Variants in BNC2 observed in about 807,000 individuals in gnomAD.
The protein encoded by BNC2 is basonuclin zinc finger protein 2.
In BNC2, 20 loss-of-function variants were observed where a neutral mutation model predicts 76.3. The observed-to-expected ratio is 0.26, with a 90% CI of 0.18 to 0.38. The LOEUF (loss-of-function observed/expected upper bound fraction) is 0.38, where lower values mean the gene tolerates loss of function less well. Among genes scored for constraint, BNC2 ranks in the 10% least tolerant of loss-of-function variants. The pLI is 1.00. For missense variants in BNC2, 1,382 were observed against 1,399.8 expected, an observed-to-expected ratio of 0.99 and a Z score of 0.20; for synonymous variants, 582 against 514.8, an observed-to-expected ratio of 1.13 and a Z score of -1.77.
chr9:16,731,931 A>G (rs1824515379), intron 2 of BNC2, among the ~76,000 whole-genome samples: 1 of 152,144 alleles, frequency 6.6e-6, no homozygotes, highest in Non-Finnish European at 1.5e-5. Flanking sequence ...CACACTGTGC[A>G]TGTACCCTCA....
chr9:16,468,453 A>G (rs113502644), intron 5 of BNC2, among the ~76,000 whole-genome samples: 2 of 151,834 alleles, frequency 1.3e-5, no homozygotes, highest in African/African-American at 4.8e-5. Flanking sequence ...TGGAGTACAG[A>G]GGCATGATCT....
intron 5 of BNC2, among the ~76,000 whole-genome samples, chr9:16,522,332 T>C (rs1334434765): frequency 1.3e-5 from 2 of 152,212 alleles, no homozygotes; most frequent in African/African-American, 2.4e-5. Context: ...CCACGGCCTC[T>C]TCCTCCTAGC....
chr9:16,579,410 G>C (rs1239614770), intron 4 of BNC2, among the ~76,000 whole-genome samples: 1 of 151,974 alleles, frequency 6.6e-6, no homozygotes, highest in Non-Finnish European at 1.5e-5. Context: ...AGCCTTCAAA[G>C]TAGTTGGGAC....
chr9:16,691,412 T>C lies in BNC2; in HGVS notation c.330+36385A>G, dbSNP rs568104935. Among the ~76,000 whole-genome samples, 3 of 152,288 alleles carry C rather than the reference T, an allele frequency of 2.0e-5. No individual in the cohort carries two copies. In the East Asian group the frequency reaches 5.8e-4, roughly 29 times the overall value. ...ATCCTACTATTGGACAGATTTCACG[T>C]ACTTCCTGCAATTCTTGCTTTACCT... On this transcript the variant is annotated intron_variant, in intron 3 of 6. Transcript: ENST00000380672.
chr9:16,463,390 G>C (rs1353161760), intron 5 of BNC2, among the ~76,000 whole-genome samples: 2 of 125,986 alleles, frequency 1.6e-5, no homozygotes, highest in African/African-American at 7.2e-5. Flanking sequence ...TCCGCCTCCC[G>C]GGTTCACGCC....
chr9:16,616,269 A>G (rs1273611666), intron 3 of BNC2, among the ~76,000 whole-genome samples: 1 of 152,090 alleles, frequency 6.6e-6, no homozygotes, highest in Non-Finnish European at 1.5e-5. Context: ...GTGCATACCT[A>G]TAGTCCCAGC....
At chr9:16,717,404 T>G (rs1303305571) in intron 3 of BNC2, among the ~76,000 whole-genome samples, 1 of 152,112 alleles carries the variant, frequency 6.6e-6, no homozygotes, top group Non-Finnish European at 1.5e-5. Flanking sequence ...AAAACAAAAA[T>G]TAAAACAAAC....
At chr9:16,669,715 T>C (rs1332982737) in intron 3 of BNC2, among the ~76,000 whole-genome samples, 1 of 152,214 alleles carries the variant, frequency 6.6e-6, no homozygotes, top group Non-Finnish European at 1.5e-5. Context: ...ACTTCTTCTC[T>C]AACTGCTTAA....
At chr9:16,519,565 G>A (rs1817551346) in intron 5 of BNC2, among the ~76,000 whole-genome samples, 1 of 152,176 alleles carries the variant, frequency 6.6e-6, no homozygotes. Flanking sequence ...ACCTGGGGCT[G>A]CTGCTGATCA....
rs748388715 is a variant in BNC2 at position 16,582,965 on chromosome 9, A to G, written c.433+18T>C. 1 of 1,585,352 alleles carries G rather than the reference A, an allele frequency of 6.3e-7. No individual in the cohort carries two copies. Among genetic ancestry groups the G allele is most frequent in the African/African-American group, 1.3e-5 (1 of 74,312 alleles). ...TGAACATAATAAGAACGGGAAGAAA[A>G]GCCCAGATTTTCCTCACCATGTGCC... On this transcript the variant is annotated intron_variant, in intron 4 of 6. Transcript: ENST00000380672.
intron 3 of BNC2, among the ~76,000 whole-genome samples, chr9:16,616,837 A>AAGGAAGGAAGGAAGGAAGGAAGGAAGTT (rs1431416345): frequency 3.3e-5 from 5 of 150,042 alleles, no homozygotes; most frequent in South Asian, 4.3e-4. Context: ...GGAAGGAAGG[A>AAGGAAGGAAGGAAGGAAGGAAGGAAGTT]AGTTCTACTG....
At chr9:16,480,761 A>T (rs1822034635) in intron 5 of BNC2, among the ~76,000 whole-genome samples, 2 of 152,168 alleles carry the variant, frequency 1.3e-5, no homozygotes, top group Non-Finnish European at 2.9e-5. Context: ...AGGGCTCGGG[A>T]CCTGCAGTCC....
intron 1 of BNC2, among the ~76,000 whole-genome samples, chr9:16,841,828 A>C (rs1240930182): frequency 4.0e-5 from 1 of 24,888 alleles, no homozygotes; most frequent in Non-Finnish European, 8.2e-5. Flanking sequence ...TTTTTTTTTG[A>C]GACAGAGTTT....
chr9:16,498,103 A>G (rs1044326623), intron 5 of BNC2, among the ~76,000 whole-genome samples: 1 of 146,788 alleles, frequency 6.8e-6, no homozygotes, highest in African/African-American at 2.5e-5. Flanking sequence ...TCATATATAT[A>G]TTCTATCATA....
At chr9:16,482,291 A>G (rs1405650683) in intron 5 of BNC2, among the ~76,000 whole-genome samples, 1 of 152,214 alleles carries the variant, frequency 6.6e-6, no homozygotes, top group African/African-American at 2.4e-5. Context: ...ACTAAATAGT[A>G]CTACAGCAGA....
chr9:16,531,640 G>C (rs758384290), intron 5 of BNC2, among the ~76,000 whole-genome samples: 2 of 151,940 alleles, frequency 1.3e-5, no homozygotes, highest in Non-Finnish European at 2.9e-5. Flanking sequence ...GCAAACTCCG[G>C]CTGTGTTTAT....
intron 3 of BNC2, among the ~76,000 whole-genome samples, chr9:16,614,306 TG>T (rs61548968): frequency 0.87 from 132,449 of 152,030 alleles, 58,857 homozygotes; most frequent in East Asian, 0.98. Context: ...TTAGCAAGGA[TG>T]GGGGTCTTAC....
At chr9:16,507,076 C>G (rs1489697753) in intron 5 of BNC2, among the ~76,000 whole-genome samples, 3 of 152,032 alleles carry the variant, frequency 2.0e-5, no homozygotes, top group Non-Finnish European at 2.9e-5. Context: ...TAAGGCCCGC[C>G]TGACCTTCTG....
chr9:16,419,093 T>G lies in BNC2; in HGVS notation c.3196A>C (p.Lys1066Gln). Reference protein sequence around the residue: ...TVHLREMHKCKVPGCNMMFSS... With the variant: ...TVHLREMHKCQVPGCNMMFSS... The stretch of plus-strand genomic sequence containing the variant: ...AACATCATATTGCAACCTGGGACTT[T>G]GCACTTGTGCATTTCTCTCAAATGC... The change falls in exon 7 of 7, where the codon AAA becomes CAA. Residue 1066 changes from lysine (K) to glutamine (Q), a missense_variant. By Grantham distance (53) the Lys-to-Gln change is moderately conservative. Transcript: ENST00000380672. The G allele has an allele frequency of 1.2e-6, 2 of 1,614,210 alleles. No individual in the cohort carries two copies. The highest frequency in any genetic ancestry group is 1.7e-6 in the Non-Finnish European group (2 of 1,180,040).
Sources: gnomAD v4.1 joint callset for allele counts (sites outside exome capture counted in the v4.1 genomes callset) on GRCh38, gnomAD v4.1.1 for gene constraint, MANE v1.5 for transcripts, NCBI Gene and HGNC (gene_info 2026-07-23, HGNC 2026-07-21) for gene names.